The following CERT1 variants were observed in gnomAD, a reference collection of about 807,000 sequenced individuals.
CERT1 encodes the protein ceramide transfer protein.
Under a neutral mutation model 87.9 loss-of-function variants are expected in CERT1, and 31 were observed. The observed-to-expected ratio is 0.35, with a 90% CI of 0.27 to 0.48. The LOEUF (loss-of-function observed/expected upper bound fraction) is 0.48. Among genes scored for constraint, CERT1 ranks in the 20% least tolerant of loss-of-function variants. The pLI is 0.99. For synonymous variants in CERT1, 289 were observed against 250.9 expected (o/e 1.15, Z -1.44); for missense variants, 487 against 758.0 (o/e 0.64, Z 4.20).
At chr5:75,405,648 C>T (rs930130877) in intron 8 of CERT1, among the ~76,000 whole-genome samples, 7 of 152,136 alleles carry the variant, frequency 4.6e-5, no homozygotes, top group Non-Finnish European at 7.4e-5. Flanking sequence ...TAGTCTCCCC[C>T]ATCTGTGGTT....
chr5:75,385,851 G>C, intron 13 of CERT1, 51 bp downstream of exon 13: 17 of 1,290,292 alleles, frequency 1.3e-5, no homozygotes, highest in Non-Finnish European at 1.6e-5. Flanking sequence ...GGTTGGATTT[G>C]ATATTAAATT....
intron 11 of CERT1, among the ~76,000 whole-genome samples, chr5:75,395,258 C>T (rs1403364074): frequency 1.3e-5 from 2 of 152,158 alleles, no homozygotes; most frequent in Non-Finnish European, 2.9e-5. Flanking sequence ...ACAAAATGAT[C>T]AATTTATGAA....
intron 11 of CERT1, among the ~76,000 whole-genome samples, chr5:75,398,028 T>C (rs1762327082): frequency 6.6e-6 from 1 of 151,292 alleles, no homozygotes; most frequent in African/African-American, 2.4e-5. Flanking sequence ...CGAAAATAAA[T>C]AAGTAAAATT....
intron 3 of CERT1, among the ~76,000 whole-genome samples, chr5:75,429,175 G>GAGT: frequency 7.0e-6 from 1 of 143,844 alleles, no homozygotes; most frequent in South Asian, 2.2e-4. Flanking sequence ...AATAGAAACT[G>GAGT]AATAATAATA....
intron 3 of CERT1, among the ~76,000 whole-genome samples, chr5:75,428,677 CAAA>C (rs758851060): frequency 6.7e-4 from 66 of 98,228 alleles, no homozygotes; most frequent in South Asian, 2.4e-3. Context: ...GACTCTGTCT[CAAA>C]AAAAAAAAAA....
intron 11 of CERT1, among the ~76,000 whole-genome samples, chr5:75,393,890 GGGAGGC>G (rs1484704948): frequency 6.6e-6 from 1 of 151,782 alleles, no homozygotes; most frequent in Non-Finnish European, 1.5e-5. Context: ...ACTTGAACCC[GGGAGGC>G]GGAGGGTGCA....
At chr5:75,474,576 T>C (rs975985730) in intron 2 of CERT1, among the ~76,000 whole-genome samples, 7 of 152,212 alleles carry the variant, frequency 4.6e-5, no homozygotes, top group African/African-American at 1.7e-4. Flanking sequence ...TTACTAATAA[T>C]GAATTTAGCC....
At chr5:75,463,952 G>C (rs1463942818) in intron 2 of CERT1, among the ~76,000 whole-genome samples, 1 of 152,072 alleles carries the variant, frequency 6.6e-6, no homozygotes, top group Non-Finnish European at 1.5e-5. Flanking sequence ...GCAGTGATCT[G>C]GTAAGTTTTC....
intron 3 of CERT1, among the ~76,000 whole-genome samples, chr5:75,451,073 A>T (rs1764750392): frequency 6.6e-6 from 1 of 152,338 alleles, no homozygotes; most frequent in East Asian, 1.9e-4. Flanking sequence ...AATTGTTTTT[A>T]TTCCAGAAGA....
At chr5:75,404,503 G>A (rs1051027311) in intron 8 of CERT1, among the ~76,000 whole-genome samples, 3 of 152,086 alleles carry the variant, frequency 2.0e-5, no homozygotes, top group African/African-American at 7.2e-5. Context: ...ACAGTAAAAT[G>A]ACAGCAGGAC....
At chr5:75,382,141 T>C (rs1197786594) in intron 14 of CERT1, 64 bp from the exon 15 acceptor site, 2 of 1,453,424 alleles carry the variant, frequency 1.4e-6, no homozygotes, top group East Asian at 4.6e-5. Context: ...AGAAACGTAA[T>C]GCCAATAAAT....
chr5:75,387,728 G>T lies in CERT1; in HGVS notation c.1285-1694C>A, dbSNP rs1029175733. On this transcript the variant is annotated intron_variant, in intron 12 of 16. Transcript: ENST00000643780. ...TTGCACTCCAGCCTGGGTGACAAGA[G>T]CAAAACTCTGTCTCAAAAAAAAGAA... is the stretch of plus-strand genomic sequence containing the variant. Among the ~76,000 whole-genome samples the T allele has an allele frequency of 2.9e-4, 43 of 150,008 alleles. 1 individual carries two copies. Among genetic ancestry groups the T allele is most frequent in the African/African-American group, 1.0e-3 (41 of 40,706 alleles).
intron 3 of CERT1, among the ~76,000 whole-genome samples, chr5:75,427,224 A>G (rs1391571071): frequency 1.3e-5 from 2 of 152,244 alleles, no homozygotes; most frequent in Non-Finnish European, 2.9e-5. Flanking sequence ...CAAAGAAATT[A>G]AAACATTTGA....
chr5:75,422,370 C>G (rs572274325), intron 5 of CERT1, among the ~76,000 whole-genome samples: 270 of 152,316 alleles, frequency 1.8e-3, no homozygotes, highest in African/African-American at 6.1e-3. Flanking sequence ...AATCCCAGCA[C>G]TTTGGGAGGC....
chr5:75,443,324 A>AAT (rs1422794966), intron 3 of CERT1, among the ~76,000 whole-genome samples: 20 of 152,122 alleles, frequency 1.3e-4, no homozygotes, highest in Admixed American at 2.0e-4. Flanking sequence ...CTTGTTTACT[A>AAT]ATATAAGTGT....
intron 7 of CERT1, among the ~76,000 whole-genome samples, chr5:75,412,707 G>A (rs1055806749): frequency 6.6e-5 from 10 of 152,170 alleles, no homozygotes; most frequent in Admixed American, 1.3e-4. Flanking sequence ...CATAGAAAAG[G>A]GACAGGAAAA....
At position 75,474,091 on chromosome 5, in the gene CERT1, T is replaced by C. The variant is rs747497402; in HGVS notation, c.232-14910A>G. On this transcript the variant is annotated intron_variant, in intron 2 of 16. Transcript: ENST00000643780. Reference sequence around the variant, plus strand: ...CTAAACCCAGTAGTTAAAAATCAACTCATAACTTAAAAACCGATGTTATTC... The same window carrying C: ...CTAAACCCAGTAGTTAAAAATCAACCCATAACTTAAAAACCGATGTTATTC... Among the ~76,000 whole-genome samples, 39 of 152,146 alleles carry C rather than the reference T, an allele frequency of 2.6e-4. 1 individual carries two copies. Among genetic ancestry groups the C allele is most frequent in the Non-Finnish European group, 2.1e-4 (14 of 68,036 alleles).
intron 14 of CERT1, among the ~76,000 whole-genome samples, chr5:75,384,362 T>C (rs1202721691): frequency 2.0e-5 from 3 of 152,176 alleles, no homozygotes; most frequent in African/African-American, 4.8e-5. Flanking sequence ...AGCAAGACCC[T>C]GTCTCTTTAA....
Position 75,445,585 on chromosome 5 carries a change from A to C in CERT1, c.348+13480T>G, listed in dbSNP as rs547105613. Among the ~76,000 whole-genome samples, 8 of 152,238 alleles carry C rather than the reference A, an allele frequency of 5.3e-5. No homozygotes were observed. The South Asian group carries it at 1.5e-3, about 28-fold the overall frequency. ...AGTGACTCTCCTGCCTCAGCCTTCC[A>C]AGTAGCTAGGACTACAGGCACACAC... On this transcript the variant is annotated intron_variant, in intron 3 of 16. Transcript: ENST00000643780.
Sources: gnomAD v4.1 joint callset for allele counts (sites outside exome capture counted in the v4.1 genomes callset) on GRCh38, gnomAD v4.1.1 for gene constraint, MANE v1.5 for transcripts, NCBI Gene and HGNC (gene_info 2026-07-23, HGNC 2026-07-21) for gene names.